SDK1: variants seen among roughly 807,000 people sequenced by gnomAD.
The protein encoded by SDK1 is sidekick cell adhesion molecule 1.
SDK1 carries 157 observed loss-of-function variants against 245.5 expected under a neutral mutation model. The observed-to-expected ratio is 0.64, with a 90% CI of 0.56 to 0.73. The LOEUF (loss-of-function observed/expected upper bound fraction) is 0.73. SDK1 is among the 30% of genes least tolerant of loss of function. SDK1 has a pLI of 0.00. For missense variants in SDK1, 3,583 were observed against 3,002.3 expected, an observed-to-expected ratio of 1.19 and a Z score of -4.52; for synonymous variants, 1,647 against 1,278.5, an observed-to-expected ratio of 1.29 and a Z score of -6.15.
intron 1 of SDK1, among the ~76,000 whole-genome samples, chr7:3,579,533 AAG>A (rs1477568657): frequency 6.6e-6 from 1 of 152,228 alleles, no homozygotes; most frequent in Non-Finnish European, 1.5e-5. Flanking sequence ...TCAAAATAAT[AAG>A]AGCCATCTAT....
intron 1 of SDK1, among the ~76,000 whole-genome samples, chr7:3,375,876 G>T (rs1449105887): frequency 1.3e-5 from 2 of 152,208 alleles, no homozygotes; most frequent in African/African-American, 4.8e-5. Flanking sequence ...CAGAAATGGT[G>T]TGAGAAAATG....
intron 4 of SDK1, among the ~76,000 whole-genome samples, chr7:3,768,835 C>T (rs1780329536): frequency 6.6e-6 from 1 of 152,204 alleles, no homozygotes; most frequent in Non-Finnish European, 1.5e-5. Context: ...CCCAAATTGT[C>T]ATTTTCCATT....
intron 1 of SDK1, among the ~76,000 whole-genome samples, chr7:3,529,349 G>T (rs972530175): frequency 6.6e-6 from 1 of 152,178 alleles, no homozygotes; most frequent in African/African-American, 2.4e-5. Context: ...TGAAGGAATA[G>T]TTAATTCCAG....
rs535800993 is a variant in SDK1, at chr7:3,622,435, C to T, written c.458+3196C>T. On this transcript the variant is annotated intron_variant, in intron 2 of 44. Transcript: ENST00000404826. ...GGCAGAGGTTGCAGTGAGCCAGGAT[C>T]GCACCACTGCACTCCAGCCTGGGCT... Among the ~76,000 whole-genome samples, 408 of 152,224 alleles carry T rather than the reference C, an allele frequency of 2.7e-3. 3 individuals carry two copies. Among genetic ancestry groups the T allele is most frequent in the African/African-American group, 9.5e-3 (393 of 41,542 alleles).
rs145291275 is a variant in SDK1, at chr7:3,938,201, T to C, written c.848-12722T>C. Among the ~76,000 whole-genome samples the C allele has an allele frequency of 3.3e-5, 5 of 152,320 alleles. No individual in the cohort carries two copies. The East Asian group carries it at 9.7e-4, about 29-fold the overall frequency. On this transcript the variant is annotated intron_variant, in intron 5 of 44. Coordinates refer to ENST00000404826, the MANE Select transcript of SDK1 (RefSeq NM_152744.4). The stretch of plus-strand genomic sequence containing the variant: ...CGTGGCTGGTTACATTCTCAGCAAC[T>C]TTAGAATTCTATTCAGAAGTGGACC...
At chr7:4,121,462 TC>T (rs1406133288) in intron 25 of SDK1, among the ~76,000 whole-genome samples, 1 of 152,198 alleles carries the variant, frequency 6.6e-6, no homozygotes, top group Non-Finnish European at 1.5e-5. Flanking sequence ...TCCTTTACTC[TC>T]TCTTTTCTCT....
At chr7:3,447,193 C>G (rs570347160) in intron 1 of SDK1, among the ~76,000 whole-genome samples, 2 of 152,118 alleles carry the variant, frequency 1.3e-5, no homozygotes, top group East Asian at 3.9e-4. Context: ...ATTCATTAAC[C>G]TATATTAGAG....
chr7:3,449,587 C>G (rs972830782), intron 1 of SDK1, among the ~76,000 whole-genome samples: 1 of 152,124 alleles, frequency 6.6e-6, no homozygotes, highest in Non-Finnish European at 1.5e-5. Flanking sequence ...TCTGTAAACA[C>G]CTTGAATATT....
chr7:4,135,729 G>C (rs115496335), intron 28 of SDK1, among the ~76,000 whole-genome samples: 88 of 152,354 alleles, frequency 5.8e-4, no homozygotes, highest in African/African-American at 2.0e-3. Flanking sequence ...GGTTAGAGTT[G>C]CACTTAGAAC....
intron 5 of SDK1, among the ~76,000 whole-genome samples, chr7:3,863,120 A>G (rs1780736691): frequency 6.6e-6 from 1 of 152,142 alleles, no homozygotes; most frequent in African/African-American, 2.4e-5. Flanking sequence ...TGCTGGTGCA[A>G]ACCCTCAGCC....
intron 1 of SDK1, among the ~76,000 whole-genome samples, chr7:3,388,202 C>G (rs572780981): frequency 6.6e-6 from 1 of 152,036 alleles, no homozygotes; most frequent in South Asian, 2.1e-4. Context: ...ATAAGGTTCA[C>G]TGTTAAATTT....
chr7:3,408,258 G>C (rs6942774), intron 1 of SDK1, among the ~76,000 whole-genome samples: 15,133 of 151,932 alleles, frequency 0.1, 946 homozygotes, highest in African/African-American at 0.17. Context: ...TGGCCAGGTT[G>C]ATCTTGAACT....
chr7:3,862,686 T>G (rs1459458346), intron 5 of SDK1, among the ~76,000 whole-genome samples: 1 of 152,192 alleles, frequency 6.6e-6, no homozygotes, highest in Non-Finnish European at 1.5e-5. Flanking sequence ...AGGCTTTTTC[T>G]GAAAAAAATT....
chr7:3,424,861 C>T (rs1211423255), intron 1 of SDK1, among the ~76,000 whole-genome samples: 1 of 152,138 alleles, frequency 6.6e-6, no homozygotes, highest in African/African-American at 2.4e-5. Context: ...AGCACTACTG[C>T]ACTCCAGCCT....
chr7:4,060,623 T>C (rs1003540996), intron 19 of SDK1, among the ~76,000 whole-genome samples: 18 of 152,138 alleles, frequency 1.2e-4, no homozygotes, highest in African/African-American at 3.6e-4. Flanking sequence ...TTTCTTTTGC[T>C]GTGCAGAAGC....
chr7:4,238,477 C>T (rs912370079), intron 42 of SDK1, among the ~76,000 whole-genome samples: 5 of 152,002 alleles, frequency 3.3e-5, no homozygotes, highest in African/African-American at 1.2e-4. Flanking sequence ...GGCTGAGGAT[C>T]ACCTGAGCCT....
At chr7:3,414,422 C>T (rs1379610224) in intron 1 of SDK1, among the ~76,000 whole-genome samples, 1 of 152,096 alleles carries the variant, frequency 6.6e-6, no homozygotes, top group East Asian at 1.9e-4. Context: ...AGCAGAGCAT[C>T]CAGCGAAGGT....
chr7:4,196,595 C>T (rs1201787869), intron 35 of SDK1, among the ~76,000 whole-genome samples: 1 of 152,210 alleles, frequency 6.6e-6, no homozygotes, highest in African/African-American at 2.4e-5. Flanking sequence ...ATGCACCTGG[C>T]CAGGGGAGCC....
chr7:4,183,585 A>G (rs1056444707), intron 35 of SDK1, among the ~76,000 whole-genome samples: 27 of 151,482 alleles, frequency 1.8e-4, no homozygotes, highest in African/African-American at 5.8e-4. Flanking sequence ...AGGTTGCAGT[A>G]AGCCAAAATC....
Sources: allele counts gnomAD v4.1 joint callset (sites outside exome capture counted in the v4.1 genomes callset), GRCh38; gene constraint gnomAD v4.1.1; transcripts MANE v1.5; gene names NCBI Gene and HGNC (gene_info 2026-07-23, HGNC 2026-07-21).